The following DTNA variants were observed in gnomAD, a reference collection of about 807,000 sequenced individuals.
The protein encoded by DTNA is dystrobrevin alpha, also known as dystrophin-related protein 3.
Under a neutral mutation model 100.7 loss-of-function variants are expected in DTNA, and 43 were observed. The observed-to-expected ratio is 0.43, with a 90% CI of 0.33 to 0.55. The LOEUF (loss-of-function observed/expected upper bound fraction) is 0.55, where lower values mean the gene tolerates loss of function less well. DTNA is among the 20% of genes least tolerant of loss of function. DTNA has a pLI of 0.04. For synonymous variants in DTNA, 349 were observed against 347.9 expected (o/e 1.00, Z -0.04); for missense variants, 798 against 953.9 (o/e 0.84, Z 2.15).
chr18:34,585,999 G>A (rs569895749), intron 1 of DTNA, among the ~76,000 whole-genome samples: 4 of 152,322 alleles, frequency 2.6e-5, no homozygotes, highest in Admixed American at 1.3e-4. Flanking sequence ...GGCTCCTGGA[G>A]TCCCCACAGG....
chr18:34,746,528 G>T (rs11877204), intron 1 of DTNA, among the ~76,000 whole-genome samples: 11,608 of 151,960 alleles, frequency 0.076, 507 homozygotes, highest in African/African-American at 0.098. Flanking sequence ...CAGTCATTCT[G>T]CCAAGATACA....
At chr18:34,762,223 C>T (rs769746426) in intron 2 of DTNA, among the ~76,000 whole-genome samples, 1 of 152,124 alleles carries the variant, frequency 6.6e-6, no homozygotes, top group Non-Finnish European at 1.5e-5. Context: ...ACTGCTAGAT[C>T]AGAAAAATAC....
At chr18:34,510,553 G>A (rs980439381) in intron 1 of DTNA, among the ~76,000 whole-genome samples, 3 of 151,382 alleles carry the variant, frequency 2.0e-5, no homozygotes, top group Non-Finnish European at 2.9e-5. Flanking sequence ...GCTAGTCTTC[G>A]GCATAGGTTA....
intron 1 of DTNA, among the ~76,000 whole-genome samples, chr18:34,673,026 C>G: frequency 6.6e-6 from 1 of 152,228 alleles, no homozygotes; most frequent in Non-Finnish European, 1.5e-5. Context: ...GTCTCTTGAT[C>G]TATTTTTAAT....
At chr18:34,699,464 A>G (rs867708946) in intron 1 of DTNA, among the ~76,000 whole-genome samples, 3 of 152,320 alleles carry the variant, frequency 2.0e-5, no homozygotes, top group Middle Eastern at 3.4e-3. Context: ...TCAGTCTACC[A>G]ATTCAAATAT....
intron 1 of DTNA, among the ~76,000 whole-genome samples, chr18:34,584,838 A>G (rs2048970536): frequency 6.6e-6 from 1 of 152,164 alleles, no homozygotes; most frequent in Non-Finnish European, 1.5e-5. Flanking sequence ...AGGAGAAGGA[A>G]GAAATGAACA....
At chr18:34,685,346 T>A (rs2078732789) in intron 1 of DTNA, among the ~76,000 whole-genome samples, 1 of 152,220 alleles carries the variant, frequency 6.6e-6, no homozygotes, top group Non-Finnish European at 1.5e-5. Flanking sequence ...CAGTTTCAGC[T>A]TTCTGCATAT....
intron 1 of DTNA, among the ~76,000 whole-genome samples, chr18:34,532,383 T>C (rs1056281249): frequency 6.6e-6 from 1 of 152,094 alleles, no homozygotes; most frequent in Admixed American, 6.6e-5. Flanking sequence ...TTTGTGGAAC[T>C]GTAAAAAGAC....
At chr18:34,616,956 A>T (rs187460593) in intron 1 of DTNA, among the ~76,000 whole-genome samples, 1 of 152,040 alleles carries the variant, frequency 6.6e-6, no homozygotes, top group Admixed American at 6.5e-5. Flanking sequence ...AATGCTACTG[A>T]TTTTTTTCAT....
At chr18:34,640,945 T>C (rs2059207768) in intron 1 of DTNA, among the ~76,000 whole-genome samples, 1 of 152,288 alleles carries the variant, frequency 6.6e-6, no homozygotes, top group Admixed American at 6.5e-5. Context: ...TGTTGTTTGC[T>C]TTTTTGGGAG....
intron 1 of DTNA, among the ~76,000 whole-genome samples, chr18:34,732,103 T>C (rs1329159949): frequency 6.6e-6 from 1 of 152,238 alleles, no homozygotes; most frequent in African/African-American, 2.4e-5. Context: ...TTTATTTGCC[T>C]GTTTCCACAC....
intron 1 of DTNA, among the ~76,000 whole-genome samples, chr18:34,638,975 G>A (rs931178636): frequency 6.6e-6 from 1 of 152,106 alleles, no homozygotes; most frequent in African/African-American, 2.4e-5. Context: ...CCGAGTAGCT[G>A]GGATTACAGC....
intron 14 of DTNA, among the ~76,000 whole-genome samples, chr18:34,851,227 T>A (rs2096472210): frequency 6.6e-6 from 1 of 152,050 alleles, no homozygotes; most frequent in South Asian, 2.1e-4. Flanking sequence ...TCAGCCCCCC[T>A]AGTAGCTGGT....
chr18:34,724,881 CAG>C (rs2086236356), intron 1 of DTNA, among the ~76,000 whole-genome samples: 1 of 152,162 alleles, frequency 6.6e-6, no homozygotes, highest in Admixed American at 6.5e-5. Context: ...GGTACCAAAA[CAG>C]ATATATAGAT....
At chr18:34,724,661 T>C (rs960885121) in intron 1 of DTNA, among the ~76,000 whole-genome samples, 1 of 152,102 alleles carries the variant, frequency 6.6e-6, no homozygotes, top group African/African-American at 2.4e-5. Context: ...GTGAGAACTC[T>C]CTCATTACAG....
At chr18:34,745,468 G>T (rs1360581913) in intron 1 of DTNA, among the ~76,000 whole-genome samples, 1 of 152,120 alleles carries the variant, frequency 6.6e-6, no homozygotes, top group Non-Finnish European at 1.5e-5. Flanking sequence ...ACAAACAATG[G>T]TTTAGAATTC....
At chr18:34,708,241 G>C (rs1304455166), upstream of DTNA, 1 of 152,168 alleles carries the variant, frequency 6.6e-6, no homozygotes, top group Admixed American at 6.5e-5. Context: ...GCAGTTTACA[G>C]TACTTGTTAG....
chr18:34,629,493 G>C (rs935825147), intron 1 of DTNA, among the ~76,000 whole-genome samples: 1 of 152,010 alleles, frequency 6.6e-6, no homozygotes, highest in East Asian at 1.9e-4. Context: ...GCCCTAGCTC[G>C]GAAGATATCT....
chr18:34,690,956 G>A (rs1273813106), intron 1 of DTNA, among the ~76,000 whole-genome samples: 1 of 152,146 alleles, frequency 6.6e-6, no homozygotes, highest in African/African-American at 2.4e-5. Flanking sequence ...GGAAACTCGG[G>A]TTCACAGAAG....
Sources: allele counts gnomAD v4.1 joint callset (sites outside exome capture counted in the v4.1 genomes callset), GRCh38; gene constraint gnomAD v4.1.1; transcripts MANE v1.5; gene names NCBI Gene and HGNC (gene_info 2026-07-23, HGNC 2026-07-21).